SLC22A24: variants seen among roughly 807,000 people sequenced by gnomAD.
The protein encoded by SLC22A24 is steroid transmembrane transporter SLC22A24.
SLC22A24 carries 53 observed loss-of-function variants against 49.8 expected under a neutral mutation model. That is an observed-to-expected ratio of 1.06 (90% CI 0.85 to 1.34). The LOEUF (loss-of-function observed/expected upper bound fraction) is 1.34. Ranked by LOEUF, SLC22A24 falls within the 40% of genes most tolerant of loss-of-function variation. SLC22A24 has a pLI of 0.00. For synonymous variants in SLC22A24, 302 were observed against 256.4 expected (o/e 1.18, Z -1.70); for missense variants, 786 against 675.9 (o/e 1.16, Z -1.81).
chr11:63,114,617 C>T (rs893182421), intron 4 of SLC22A24, among the ~76,000 whole-genome samples: 2 of 152,164 alleles, frequency 1.3e-5, no homozygotes, highest in Admixed American at 6.6e-5. Context: ...GAGCTGCAAT[C>T]CTTTGGAGGA....
At chr11:63,107,064 A>G (rs573540252) in intron 4 of SLC22A24, among the ~76,000 whole-genome samples, 5 of 152,146 alleles carry the variant, frequency 3.3e-5, no homozygotes, top group East Asian at 1.9e-4. Flanking sequence ...ATGGTTTTAG[A>G]TCTAACATTT....
At chr11:63,137,047 G>A (rs1402304409) in intron 1 of SLC22A24, among the ~76,000 whole-genome samples, 1 of 152,084 alleles carries the variant, frequency 6.6e-6, no homozygotes, top group Non-Finnish European at 1.5e-5. Flanking sequence ...GTAGCCCTGT[G>A]GTGGGATGTC....
At chr11:63,108,804 C>T (rs1401705341) in intron 4 of SLC22A24, among the ~76,000 whole-genome samples, 5 of 148,800 alleles carry the variant, frequency 3.4e-5, no homozygotes, top group African/African-American at 1.2e-4. Context: ...TTTTTTGCAT[C>T]TATTTGATTC....
intron 4 of SLC22A24, among the ~76,000 whole-genome samples, chr11:63,108,899 G>A (rs1179987017): frequency 6.8e-6 from 1 of 147,110 alleles, no homozygotes; most frequent in African/African-American, 2.5e-5. Flanking sequence ...ACATTGTGCA[G>A]GTTAGTTACA....
At chr11:63,123,463 A>G (rs1466759995) in intron 2 of SLC22A24, among the ~76,000 whole-genome samples, 1 of 152,124 alleles carries the variant, frequency 6.6e-6, no homozygotes, top group African/African-American at 2.4e-5. Flanking sequence ...ATGCTAATAA[A>G]TTCTAAATTA....
chr11:63,111,556 C>T lies in SLC22A24; in HGVS notation c.831-7258G>A, dbSNP rs548521631. On this transcript the variant is annotated intron_variant, in intron 4 of 9. Transcript: ENST00000612278. ...GTTATTGGTCTATTCAGAGATTCAA[C>T]TTCTTCCTGGTTTAGTCTTGGGAGA... Among the ~76,000 whole-genome samples, 10 of 152,208 alleles carry T rather than the reference C, an allele frequency of 6.6e-5. No individual in the cohort carries two copies. The East Asian group carries it at 1.5e-3, about 24-fold the overall frequency.
intron 1 of SLC22A24, 50 bp from the exon 2 acceptor site, chr11:63,134,818 C>A: frequency 7.6e-7 from 1 of 1,318,116 alleles, no homozygotes; most frequent in South Asian, 1.3e-5. Flanking sequence ...AGTTTCAACT[C>A]TTTAGTAGAA....
intron 2 of SLC22A24, among the ~76,000 whole-genome samples, chr11:63,121,929 A>G (rs1163263711): frequency 1.3e-5 from 2 of 152,136 alleles, no homozygotes; most frequent in Non-Finnish European, 2.9e-5. Flanking sequence ...TAAAAACATT[A>G]ATAATAAACA....
intron 6 of SLC22A24, among the ~76,000 whole-genome samples, chr11:63,084,786 T>C (rs1008786923): frequency 2.0e-5 from 3 of 152,166 alleles, no homozygotes; most frequent in African/African-American, 7.2e-5. Flanking sequence ...CAATATCTTC[T>C]TACCCTTCTT....
chr11:63,097,460 C>G (rs560702315), intron 5 of SLC22A24, among the ~76,000 whole-genome samples: 1 of 152,242 alleles, frequency 6.6e-6, no homozygotes, highest in Admixed American at 6.5e-5. Context: ...AATAGGAATG[C>G]TTTTACACCA....
chr11:63,104,464 G>A (rs2087108740), intron 4 of SLC22A24, among the ~76,000 whole-genome samples, 166 bp from the exon 5 acceptor site: 1 of 152,160 alleles, frequency 6.6e-6, no homozygotes, highest in African/African-American at 2.4e-5. Context: ...GGTGAAGGAT[G>A]TATCTGGCCA....
chr11:63,140,171 T>A (rs2087405816), intron 1 of SLC22A24, among the ~76,000 whole-genome samples: 1 of 147,814 alleles, frequency 6.8e-6, no homozygotes. Flanking sequence ...AACTGCTGCC[T>A]CCTGGATTCA....
At chr11:63,099,886 T>G (rs2087080254) in intron 5 of SLC22A24, among the ~76,000 whole-genome samples, 2 of 152,024 alleles carry the variant, frequency 1.3e-5, no homozygotes, top group South Asian at 4.1e-4. Flanking sequence ...CCCTTCATGA[T>G]AAAAACTCAA....
Position 63,096,066 on chromosome 11 carries a change from C to A in SLC22A24, c.995G>T (p.Arg332Leu), listed in dbSNP as rs371518525. The A allele has an allele frequency of 1.9e-6, 3 of 1,550,792 alleles. No individual in the cohort carries two copies. Among genetic ancestry groups the A allele is most frequent in the Non-Finnish European group, 2.6e-6 (3 of 1,146,360 alleles). ...CAGGGAAAAAATGGATGTTTTAATT[C>A]GGACTGCATCCAACTCCTTCTTCAT... ...STMKKELDAV[R>L]IKTSIFSLFR... The change falls in exon 6 of 10, where the codon CGA becomes CTA. Residue 332 changes from arginine (R) to leucine (L), a missense_variant. Arg to Leu is a moderately radical substitution (Grantham distance 102). Transcript: ENST00000612278.
At chr11:63,118,086 C>G (rs1192093171) in intron 4 of SLC22A24, among the ~76,000 whole-genome samples, 1 of 152,118 alleles carries the variant, frequency 6.6e-6, no homozygotes, top group Non-Finnish European at 1.5e-5. Context: ...TGAGTCAGGT[C>G]AAATAGAGAC....
chr11:63,095,537 G>A (rs1027746900), intron 6 of SLC22A24, among the ~76,000 whole-genome samples: 3 of 152,226 alleles, frequency 2.0e-5, no homozygotes, highest in Middle Eastern at 3.4e-3. Context: ...ACAGTTGGTG[G>A]TTTTGGAGAA....
intron 2 of SLC22A24, among the ~76,000 whole-genome samples, chr11:63,123,795 A>C (rs1002187168): frequency 6.6e-6 from 1 of 152,202 alleles, no homozygotes; most frequent in African/African-American, 2.4e-5. Flanking sequence ...CATTTTACAA[A>C]TCCAACTCTA....
intron 4 of SLC22A24, among the ~76,000 whole-genome samples, chr11:63,106,304 T>A (rs934928014): frequency 3.9e-5 from 6 of 152,322 alleles, no homozygotes; most frequent in Non-Finnish European, 7.3e-5. Context: ...GGTGTATATG[T>A]GCCACATTTT....
intron 2 of SLC22A24, 89 bp from the exon 3 acceptor site, chr11:63,119,424 A>G: frequency 8.0e-7 from 1 of 1,257,752 alleles, no homozygotes; most frequent in Non-Finnish European, 1.1e-6. Flanking sequence ...TGAAATTAGG[A>G]TAAATGTTTA....
Sources: allele counts gnomAD v4.1 joint callset (sites outside exome capture counted in the v4.1 genomes callset), GRCh38; gene constraint gnomAD v4.1.1; transcripts MANE v1.5; gene names NCBI Gene and HGNC (gene_info 2026-07-23, HGNC 2026-07-21).